The following CPXM2 variants were observed in gnomAD, a reference collection of about 807,000 sequenced individuals.
CPXM2 encodes carboxypeptidase X, M14 family member 2.
In CPXM2, 66 loss-of-function variants were observed where a neutral mutation model predicts 86.1. The ratio of observed to expected loss-of-function variants is 0.77; its 90% CI spans 0.63 to 0.94. The LOEUF is 0.94. Ranked by LOEUF, CPXM2 falls within the 40% of genes least tolerant of loss-of-function variation. The pLI, the probability that CPXM2 is intolerant of heterozygous loss-of-function variation, is 0.00. For synonymous variants in CPXM2, 388 were observed against 400.2 expected (o/e 0.97, Z 0.36); for missense variants, 948 against 1,026.3 (o/e 0.92, Z 1.04).
intron 13 of CPXM2, chr10:123,750,879 TC>T: frequency 1.0e-6 from 1 of 985,434 alleles, no homozygotes; most frequent in Non-Finnish European, 1.2e-6. Flanking sequence ...CCCCATGTCT[TC>T]CTTGAGGCTC....
At chr10:123,792,425 G>T (rs1847225223) in intron 6 of CPXM2, among the ~76,000 whole-genome samples, 1 of 152,168 alleles carries the variant, frequency 6.6e-6, no homozygotes, top group Admixed American at 6.5e-5. Flanking sequence ...GGAACTCATG[G>T]TTTTGAAACG....
rs1848953496 is a variant in CPXM2, at chr10:123,865,341, GCAAAGA to G, written c.404-2624_404-2619del. ...AGAGAAAACACAATGTCCTTGAAAG[GCAAAGA>G]CAGAGTTACTGATCCGCCTGGGTTA... On this transcript the variant is annotated intron_variant, in intron 2 of 13. Coordinates refer to ENST00000241305, the MANE Select transcript of CPXM2 (RefSeq NM_198148.3). This position sits in a 1 kb window ranked among gnomAD's most constrained non-coding sequence, Gnocchi z 4.7. Among the ~76,000 whole-genome samples the G allele has an allele frequency of 6.6e-6, 1 of 152,172 alleles. No homozygotes were observed. Among genetic ancestry groups the G allele is most frequent in the Admixed American group, 6.5e-5 (1 of 15,284 alleles).
chr10:123,784,616 C>G (rs941818922), intron 6 of CPXM2, among the ~76,000 whole-genome samples: 3 of 152,188 alleles, frequency 2.0e-5, no homozygotes, highest in Non-Finnish European at 4.4e-5. Context: ...CCTGGACTAC[C>G]CTTCATCTCC....
At chr10:123,835,222 C>T (rs1223199042) in intron 4 of CPXM2, among the ~76,000 whole-genome samples, 1 of 152,072 alleles carries the variant, frequency 6.6e-6, no homozygotes, top group Admixed American at 6.5e-5. Flanking sequence ...AGAGTGTGCC[C>T]AGCAACCATC....
At chr10:123,782,582 C>G (rs1846959625) in intron 6 of CPXM2, among the ~76,000 whole-genome samples, 1 of 152,146 alleles carries the variant, frequency 6.6e-6, no homozygotes, top group South Asian at 2.1e-4. Context: ...TCTGATTAGA[C>G]AAAGTTTTAT....
upstream of CPXM2, among the ~76,000 whole-genome samples, chr10:123,940,474 G>A (rs11493074): frequency 0.063 from 9,571 of 152,224 alleles, 428 homozygotes; most frequent in Non-Finnish European, 0.095. Context: ...GCAAGGGAGC[G>A]CCCAAGCCTG....
chr10:123,760,509 G>A (rs1846307992), intron 11 of CPXM2, among the ~76,000 whole-genome samples: 1 of 152,078 alleles, frequency 6.6e-6, no homozygotes, highest in Non-Finnish European at 1.5e-5. Context: ...TTTCTACTTT[G>A]TTTTTCTTTT....
At chr10:123,905,864 C>T (rs1481052417) in intron 2 of CPXM2, among the ~76,000 whole-genome samples, 2 of 152,154 alleles carry the variant, frequency 1.3e-5, no homozygotes, top group African/African-American at 4.8e-5. Flanking sequence ...TTTGCCATCT[C>T]CCCCTCAGGA....
chr10:123,914,136 G>A, intron 2 of CPXM2: 1 of 456,150 alleles, frequency 2.2e-6, no homozygotes, highest in Non-Finnish European at 4.4e-6. Flanking sequence ...CAGAGGAAAT[G>A]AGCATGGCCA....
rs1025419022 is a variant in CPXM2, at chr10:123,891,802, G to T, written c.-143C>A. 1.3e-5 allele frequency: 5 copies of T among 375,238 alleles called. No individual in the cohort carries two copies. Among genetic ancestry groups the T allele is most frequent in the Non-Finnish European group, 2.0e-5 (5 of 253,656 alleles). 23.2% of individuals were successfully genotyped at this position (375,238 alleles called of 1,614,324 possible). A position where few individuals can be genotyped will look rare whatever the true frequency, so the allele number is the denominator to read the frequency against. On this transcript the variant is annotated 5_prime_UTR_variant, in exon 1 of 14. Transcript: ENST00000241305. This position sits in a 1 kb window ranked among gnomAD's most constrained non-coding sequence, Gnocchi z 5.6. ...GCGCGGGAGGCGGCCGGCTGGCTGCGCGTGTGACCGGCCCGCGGGGCTGGG... is the reference window on the plus strand; with the variant it reads ...GCGCGGGAGGCGGCCGGCTGGCTGCTCGTGTGACCGGCCCGCGGGGCTGGG...
rs151199668 is a variant in CPXM2, at chr10:123,790,073, G to A, written c.889+7903C>T. ...GCGGAGCTTGCAGTGAGCCAAGATC[G>A]CACCACTGCACTCCAACCTGGGTGG... On this transcript the variant is annotated intron_variant, in intron 6 of 13. Coordinates refer to ENST00000241305, the MANE Select transcript of CPXM2 (RefSeq NM_198148.3). 5.5e-3 allele frequency among the ~76,000 whole-genome samples: 834 copies of A among 152,046 alleles called. 3 individuals carry two copies. Among genetic ancestry groups the A allele is most frequent in the African/African-American group, 0.018 (751 of 41,472 alleles).
At chr10:123,811,453 T>C (rs1847694350) in intron 4 of CPXM2, among the ~76,000 whole-genome samples, 1 of 152,158 alleles carries the variant, frequency 6.6e-6, no homozygotes. Context: ...CTGGATTAGC[T>C]ACTTAAATGT....
At chr10:123,758,367 G>T (rs1385499273) in intron 11 of CPXM2, among the ~76,000 whole-genome samples, 1 of 151,986 alleles carries the variant, frequency 6.6e-6, no homozygotes, top group African/African-American at 2.4e-5. Context: ...AGCTTCTGGG[G>T]GCCCCCTGGC....
chr10:123,773,991 A>G (rs904508331), intron 7 of CPXM2, among the ~76,000 whole-genome samples: 2 of 152,196 alleles, frequency 1.3e-5, no homozygotes, highest in African/African-American at 2.4e-5. Context: ...GTTCACTGCA[A>G]ATCTGTGATT....
intron 3 of CPXM2, among the ~76,000 whole-genome samples, chr10:123,845,455 T>G (rs528034764): frequency 4.8e-4 from 73 of 151,962 alleles, no homozygotes; most frequent in African/African-American, 1.7e-3. Context: ...CACTGAACAA[T>G]AAAGAGCTCT....
chr10:123,787,770 C>A (rs1847097945), intron 6 of CPXM2, among the ~76,000 whole-genome samples: 1 of 151,976 alleles, frequency 6.6e-6, no homozygotes, highest in Non-Finnish European at 1.5e-5. Flanking sequence ...CACCTGCAAC[C>A]CAGAAGCCCG....
intron 8 of CPXM2, 78 bp downstream of exon 8, chr10:123,770,838 T>A: frequency 1.4e-6 from 2 of 1,441,072 alleles, no homozygotes; most frequent in Non-Finnish European, 1.9e-6. Flanking sequence ...AATCTTCTCA[T>A]AGGGTGAACA....
At chr10:123,758,682 T>C (rs931619858) in intron 11 of CPXM2, among the ~76,000 whole-genome samples, 3 of 152,238 alleles carry the variant, frequency 2.0e-5, no homozygotes, top group African/African-American at 7.2e-5. Context: ...GAGTGTTTGA[T>C]GGCATGAAGT....
intron 3 of CPXM2, 49 bp downstream of exon 3, chr10:123,862,565 G>C (rs1848874601): frequency 1.3e-6 from 2 of 1,513,178 alleles, no homozygotes; most frequent in Non-Finnish European, 1.8e-6. Context: ...CAAGGAACCA[G>C]AGCAATAAAC....
Sources: allele counts gnomAD v4.1 joint callset (sites outside exome capture counted in the v4.1 genomes callset), GRCh38; gene constraint gnomAD v4.1.1; non-coding constraint Gnocchi (gnomAD v3.1); transcripts MANE v1.5; gene names NCBI Gene and HGNC (gene_info 2026-07-23, HGNC 2026-07-21).